TANC1: variants seen among roughly 807,000 people sequenced by gnomAD.
TANC1 encodes tetratricopeptide repeat, ankyrin repeat and coiled-coil containing 1, also known as protein TANC1.
Under a neutral mutation model 149.7 loss-of-function variants are expected in TANC1, and 77 were observed. That is an observed-to-expected ratio of 0.51 (90% CI 0.43 to 0.62). The LOEUF is 0.62. Ranked by LOEUF, TANC1 falls within the 20% of genes least tolerant of loss-of-function variation. The pLI, the probability that TANC1 is intolerant of heterozygous loss-of-function variation, is 0.00. For synonymous variants in TANC1, 854 were observed against 925.0 expected (o/e 0.92, Z 1.39); for missense variants, 1,985 against 2,321.8 (o/e 0.85, Z 2.98).
chr2:159,224,080 C>T, intron 22 of TANC1, 152 bp from the exon 23 acceptor site: 3 of 912,120 alleles, frequency 3.3e-6, no homozygotes, highest in East Asian at 2.4e-5. Context: ...CTCCTCTTCT[C>T]TGTTTCGTGT....
rs1479047653 is a variant in TANC1 at position 158,981,491 on chromosome 2, T to TAA, written c.-126+12709_-126+12710insAA. ...AAGTTTAGCAATTAATATATAGCTT[T>TAA]TATATATATATATATATATATATAT... On this transcript the variant is annotated intron_variant, in intron 1 of 26. Transcript: ENST00000263635. 3.2e-3 allele frequency among the ~76,000 whole-genome samples: 111 copies of TAA among 34,340 alleles called. 13 individuals are homozygous for TAA. Among genetic ancestry groups the TAA allele is most frequent in the Middle Eastern group, 0.018 (1 of 56 alleles). 22.5% of individuals were successfully genotyped at this position (34,340 alleles called of 152,430 possible).
At chr2:158,982,940 A>G (rs2034542760) in intron 1 of TANC1, among the ~76,000 whole-genome samples, 1 of 152,126 alleles carries the variant, frequency 6.6e-6, no homozygotes, top group Non-Finnish European at 1.5e-5. Flanking sequence ...TATTTTATTC[A>G]GCATTCTGGA....
chr2:159,035,206 G>GT (rs1000026489), intron 2 of TANC1, among the ~76,000 whole-genome samples: 12 of 151,638 alleles, frequency 7.9e-5, no homozygotes, highest in African/African-American at 1.9e-4. Flanking sequence ...TCTCTATGAA[G>GT]TTTTTTTTTG....
intron 5 of TANC1, among the ~76,000 whole-genome samples, chr2:159,145,868 A>G (rs1363260919): frequency 2.0e-5 from 3 of 152,190 alleles, no homozygotes; most frequent in African/African-American, 7.2e-5. Context: ...CAGCCGTCAG[A>G]TATTTAAATC....
intron 19 of TANC1, among the ~76,000 whole-genome samples, chr2:159,204,812 T>G (rs1390452973): frequency 2.0e-5 from 3 of 152,228 alleles, no homozygotes; most frequent in African/African-American, 7.2e-5. Flanking sequence ...TAAATAATTT[T>G]TATTGTCAAA....
At chr2:159,092,932 A>G (rs978748075) in intron 3 of TANC1, among the ~76,000 whole-genome samples, 3 of 152,140 alleles carry the variant, frequency 2.0e-5, no homozygotes, top group African/African-American at 7.2e-5. Flanking sequence ...GCCTGAGCTG[A>G]CCGGTTGTGG....
intron 16 of TANC1, among the ~76,000 whole-genome samples, chr2:159,189,506 T>G (rs1042871757): frequency 6.6e-6 from 1 of 152,260 alleles, no homozygotes; most frequent in Middle Eastern, 3.2e-3. Context: ...ATTTAACATG[T>G]ACAGATGCTG....
At chr2:159,095,052 A>T (rs550677901) in intron 3 of TANC1, among the ~76,000 whole-genome samples, 6 of 150,542 alleles carry the variant, frequency 4.0e-5, no homozygotes, top group Admixed American at 2.6e-4. Context: ...TTCAAGTGAT[A>T]CTCCTGCCTC....
chr2:158,984,729 G>T (rs1719077), intron 1 of TANC1, among the ~76,000 whole-genome samples: 2 of 151,810 alleles, frequency 1.3e-5, no homozygotes, highest in Admixed American at 6.6e-5. Flanking sequence ...TCAGGGAGGA[G>T]GGGGAGGAGG....
intron 4 of TANC1, among the ~76,000 whole-genome samples, chr2:159,112,190 G>T (rs535041207): frequency 6.6e-6 from 1 of 152,302 alleles, no homozygotes; most frequent in South Asian, 2.1e-4. Flanking sequence ...AAATTTGAAT[G>T]TAGGCATGCA....
At chr2:159,121,522 C>T (rs1270874079) in intron 4 of TANC1, among the ~76,000 whole-genome samples, 2 of 152,122 alleles carry the variant, frequency 1.3e-5, no homozygotes, top group Non-Finnish European at 2.9e-5. Flanking sequence ...TTAGTGGAGA[C>T]GGGGTTTCGC....
chr2:159,017,894 A>T (rs1353776795), intron 2 of TANC1, among the ~76,000 whole-genome samples: 1 of 152,182 alleles, frequency 6.6e-6, no homozygotes, highest in Non-Finnish European at 1.5e-5. Flanking sequence ...AGAAAGAAAG[A>T]TGCCTTAGAA....
chr2:158,976,753 C>T (rs1447533492), intron 1 of TANC1, among the ~76,000 whole-genome samples: 2 of 152,100 alleles, frequency 1.3e-5, no homozygotes, highest in African/African-American at 4.8e-5. Flanking sequence ...TGGTAGTGTA[C>T]ACCTGTAATC....
At chr2:159,031,312 G>T (rs547420469) in intron 2 of TANC1, among the ~76,000 whole-genome samples, 10 of 152,326 alleles carry the variant, frequency 6.6e-5, no homozygotes, top group African/African-American at 2.4e-4. Flanking sequence ...CAGCTGTGGG[G>T]AAGGAAGGGC....
At chr2:159,067,851 A>C (rs982673730) in intron 3 of TANC1, among the ~76,000 whole-genome samples, 4 of 152,248 alleles carry the variant, frequency 2.6e-5, no homozygotes, top group African/African-American at 4.8e-5. Context: ...AATAATCTTC[A>C]GCACCCATGT....
intron 2 of TANC1, among the ~76,000 whole-genome samples, chr2:159,038,745 C>T (rs1484861926): frequency 2.0e-5 from 3 of 152,044 alleles, no homozygotes; most frequent in Non-Finnish European, 4.4e-5. Flanking sequence ...CTGCTGGATT[C>T]AGTTTGCCAG....
rs191477952 is a variant in TANC1, at chr2:159,029,274, T to G, written c.-16+28085T>G. 3.1e-3 allele frequency among the ~76,000 whole-genome samples: 475 copies of G among 152,354 alleles called. 3 individuals are homozygous for G. Among genetic ancestry groups the G allele is most frequent in the African/African-American group, 0.011 (445 of 41,584 alleles). The stretch of plus-strand genomic sequence containing the variant: ...TGAATATTTAGGATGCTTCTACACT[T>G]TGGTTATTGTGAATAATGCTGCAAT... On this transcript the variant is annotated intron_variant, in intron 2 of 26. Coordinates refer to ENST00000263635, the MANE Select transcript of TANC1 (RefSeq NM_033394.3).
intron 4 of TANC1, among the ~76,000 whole-genome samples, chr2:159,106,703 A>T (rs1465687226): frequency 6.6e-6 from 1 of 152,184 alleles, no homozygotes. Context: ...AAATTGTTGA[A>T]TCATATGGTA....
chr2:158,996,251 T>G (rs1230007265), intron 1 of TANC1, among the ~76,000 whole-genome samples: 2 of 152,102 alleles, frequency 1.3e-5, no homozygotes, highest in East Asian at 3.9e-4. Flanking sequence ...TCCCAGCCAC[T>G]CGTGAGGCTG....
Sources: allele counts gnomAD v4.1 joint callset (sites outside exome capture counted in the v4.1 genomes callset), GRCh38; gene constraint gnomAD v4.1.1; transcripts MANE v1.5; gene names NCBI Gene and HGNC (gene_info 2026-07-23, HGNC 2026-07-21).